GRID2: variants seen among roughly 807,000 people sequenced by gnomAD.
The protein encoded by GRID2 is glutamate receptor ionotropic, delta-2.
A neutral mutation model predicts 114.8 loss-of-function variants in GRID2; 33 were observed. The observed-to-expected ratio is 0.29, with a 90% CI of 0.22 to 0.38. GRID2 has a LOEUF of 0.38. Among genes scored for constraint, GRID2 ranks in the 10% least tolerant of loss-of-function variants. The probability of loss-of-function intolerance (pLI) is 1.00; values close to 1 mark genes in which losing one functional copy is unlikely to be tolerated. For synonymous variants in GRID2, 505 were observed against 449.9 expected, an observed-to-expected ratio of 1.12 and a Z score of -1.55; for missense variants, 1,184 against 1,257.7, an observed-to-expected ratio of 0.94 and a Z score of 0.89.
intron 2 of GRID2, among the ~76,000 whole-genome samples, chr4:92,811,545 T>G (rs184214615): frequency 6.6e-6 from 1 of 152,236 alleles, no homozygotes; most frequent in Admixed American, 6.6e-5. Flanking sequence ...ACCTAAATGA[T>G]TCCAAATATC....
chr4:93,054,382 G>A (rs1018206452), intron 2 of GRID2, among the ~76,000 whole-genome samples: 1 of 151,640 alleles, frequency 6.6e-6, no homozygotes, highest in Non-Finnish European at 1.5e-5. Flanking sequence ...AACTAGCACA[G>A]TAGGAAATAA....
chr4:92,705,560 T>C (rs889775969), intron 2 of GRID2, among the ~76,000 whole-genome samples: 19 of 152,198 alleles, frequency 1.2e-4, no homozygotes, highest in African/African-American at 4.3e-4. Flanking sequence ...GCTTGTTGAA[T>C]GTTAGAAATA....
intron 8 of GRID2, among the ~76,000 whole-genome samples, chr4:93,282,592 A>C (rs764899150): frequency 3.9e-5 from 6 of 152,010 alleles, no homozygotes; most frequent in Non-Finnish European, 7.4e-5. Flanking sequence ...GTCTTCATGA[A>C]CTAATTACCT....
At chr4:92,945,493 C>T (rs916841309) in intron 2 of GRID2, among the ~76,000 whole-genome samples, 1 of 152,006 alleles carries the variant, frequency 6.6e-6, no homozygotes, top group African/African-American at 2.4e-5. Context: ...CATTGAGATA[C>T]CAAGACAATT....
chr4:93,660,377 A>G (rs1217466226), intron 14 of GRID2, among the ~76,000 whole-genome samples: 1 of 152,208 alleles, frequency 6.6e-6, no homozygotes, highest in Non-Finnish European at 1.5e-5. Flanking sequence ...GAAGTCAGAA[A>G]AAGGAGCCTT....
intron 2 of GRID2, among the ~76,000 whole-genome samples, chr4:92,641,198 A>G (rs1386006835): frequency 2.6e-5 from 4 of 151,680 alleles, no homozygotes; most frequent in East Asian, 1.9e-4. Flanking sequence ...TTTAATGACA[A>G]TTTATTTTTT....
chr4:93,068,629 CT>C (rs1728525287), intron 2 of GRID2, among the ~76,000 whole-genome samples: 1 of 151,794 alleles, frequency 6.6e-6, no homozygotes, highest in Non-Finnish European at 1.5e-5. Context: ...TTTCTAGAGA[CT>C]GCTTCTTTGA....
chr4:93,006,606 G>C (rs1453144493), intron 2 of GRID2, among the ~76,000 whole-genome samples: 1 of 147,352 alleles, frequency 6.8e-6, no homozygotes, highest in Non-Finnish European at 1.5e-5. Flanking sequence ...AAAAAAAAAA[G>C]AGAGTCACTA....
intron 1 of GRID2, among the ~76,000 whole-genome samples, chr4:92,394,563 A>T (rs1374831125): frequency 6.6e-6 from 1 of 152,034 alleles, no homozygotes; most frequent in African/African-American, 2.4e-5. Flanking sequence ...GAATGTAAGT[A>T]GTTGGGTCAC....
At chr4:93,284,863 A>C (rs763523116) in intron 8 of GRID2, among the ~76,000 whole-genome samples, 1 of 152,074 alleles carries the variant, frequency 6.6e-6, no homozygotes, top group Non-Finnish European at 1.5e-5. Context: ...AAAATAAATC[A>C]GTCATTATAT....
chr4:93,334,703 C>T (rs1218519509), intron 8 of GRID2, among the ~76,000 whole-genome samples: 7 of 152,048 alleles, frequency 4.6e-5, no homozygotes, highest in African/African-American at 1.2e-4. Flanking sequence ...CTGAGGCAGG[C>T]AGATCACCTG....
chr4:93,240,599 T>G (rs1324657248), intron 8 of GRID2, among the ~76,000 whole-genome samples: 1 of 151,464 alleles, frequency 6.6e-6, no homozygotes, highest in East Asian at 1.9e-4. Flanking sequence ...TCTTTAAATT[T>G]AGAGGAACTA....
intron 8 of GRID2, among the ~76,000 whole-genome samples, chr4:93,333,837 T>C (rs1440036907): frequency 1.3e-5 from 2 of 151,486 alleles, no homozygotes; most frequent in Non-Finnish European, 1.5e-5. Flanking sequence ...GTTTCTTCTT[T>C]TTATCTTGTA....
At chr4:92,782,972 A>G (rs1230888678) in intron 2 of GRID2, among the ~76,000 whole-genome samples, 1 of 152,098 alleles carries the variant, frequency 6.6e-6, no homozygotes, top group Admixed American at 6.6e-5. Flanking sequence ...AACTTTTTCT[A>G]AGGTACTTTG....
chr4:92,782,761 G>A (rs1739142629), intron 2 of GRID2, among the ~76,000 whole-genome samples: 1 of 152,022 alleles, frequency 6.6e-6, no homozygotes, highest in South Asian at 2.1e-4. Flanking sequence ...GAGAAAGTTG[G>A]TGTCCTGGAG....
chr4:93,402,393 T>C (rs1306619225), intron 9 of GRID2, among the ~76,000 whole-genome samples: 1 of 152,132 alleles, frequency 6.6e-6, no homozygotes, highest in Admixed American at 6.6e-5. Flanking sequence ...TGAAACTATG[T>C]GAAAGCAGGT....
rs1037741595 is a variant in GRID2 at position 92,870,219 on chromosome 4, C to A, written c.245-214776C>A. On this transcript the variant is annotated intron_variant, in intron 2 of 15. Coordinates refer to ENST00000282020, the MANE Select transcript of GRID2 (RefSeq NM_001510.4). ...CTGTCTCTAAAAAAGAACAAAAAAA[C>A]CATAATGTCTATAAACTATATATAT... 6.6e-5 allele frequency among the ~76,000 whole-genome samples: 10 copies of A among 150,874 alleles called. No homozygotes were observed. In the East Asian group the frequency reaches 2.0e-3, roughly 29 times the overall value.
At position 92,670,738 on chromosome 4, in the gene GRID2, C is replaced by T. The variant is rs193017571; in HGVS notation, c.244+80452C>T. The stretch of plus-strand genomic sequence containing the variant: ...TTGCATATCTTAATTGTTTGACTTG[C>T]ATAATATAAGCATTCTTTGAAGTAG... On this transcript the variant is annotated intron_variant, in intron 2 of 15. Transcript: ENST00000282020. Among the ~76,000 whole-genome samples the T allele has an allele frequency of 5.3e-5, 8 of 152,124 alleles. No homozygotes were observed. In the East Asian group the frequency reaches 1.4e-3, roughly 26 times the overall value.
At chr4:92,563,284 C>T (rs1440342698) in intron 1 of GRID2, among the ~76,000 whole-genome samples, 1 of 152,092 alleles carries the variant, frequency 6.6e-6, no homozygotes, top group Non-Finnish European at 1.5e-5. Flanking sequence ...TTCTCTATGT[C>T]CTCAACTAGA....
Sources: gnomAD v4.1 joint callset for allele counts (sites outside exome capture counted in the v4.1 genomes callset) on GRCh38, gnomAD v4.1.1 for gene constraint, MANE v1.5 for transcripts, NCBI Gene and HGNC (gene_info 2026-07-23, HGNC 2026-07-21) for gene names.